PPP1R12B: variants seen among roughly 807,000 people sequenced by gnomAD.
PPP1R12B encodes the protein myosin phosphatase target subunit 2.
PPP1R12B carries 76 observed loss-of-function variants against 126.1 expected under a neutral mutation model. The ratio of observed to expected loss-of-function variants is 0.60; its 90% CI spans 0.50 to 0.73. The LOEUF (loss-of-function observed/expected upper bound fraction) is 0.73. Among genes scored for constraint, PPP1R12B ranks in the 30% least tolerant of loss-of-function variants. PPP1R12B has a pLI of 0.00. For missense variants in PPP1R12B, 1,052 were observed against 1,205.1 expected, an observed-to-expected ratio of 0.87 and a Z score of 1.88; for synonymous variants, 356 against 434.7, an observed-to-expected ratio of 0.82 and a Z score of 2.25.
rs966566938 is a variant in PPP1R12B, at chr1:202,582,469, A to T, written c.*1909A>T. On this transcript the variant is annotated 3_prime_UTR_variant, in exon 24 of 24. Transcript: ENST00000608999. ...GTTGCCAGTGATATTCAGTGTTTAG[A>T]GTGGTTCATTCCCTTAATATATACT... 6.6e-6 allele frequency: 1 copy of T among 152,634 alleles called. No individual in the cohort carries two copies. The highest frequency in any genetic ancestry group is 1.5e-5 in the Non-Finnish European group (1 of 68,060). The allele number at this position is 152,634 out of a possible 1,614,324, so 9.5% of individuals were successfully genotyped here. A position where few individuals can be genotyped will look rare whatever the true frequency, so the allele number is the denominator to read the frequency against.
At chr1:202,505,312 C>T (rs1365268192) in intron 18 of PPP1R12B, among the ~76,000 whole-genome samples, 1 of 152,222 alleles carries the variant, frequency 6.6e-6, no homozygotes, top group Non-Finnish European at 1.5e-5. Flanking sequence ...CCCATTTATG[C>T]TTCTTTGCCA....
intron 18 of PPP1R12B, among the ~76,000 whole-genome samples, chr1:202,545,073 A>G (rs1447643457): frequency 2.0e-5 from 3 of 152,234 alleles, no homozygotes; most frequent in Admixed American, 6.5e-5. Context: ...TGCACTACCA[A>G]TCTGGAATCC....
At chr1:202,488,347 G>A (rs1678422867) in intron 13 of PPP1R12B, among the ~76,000 whole-genome samples, 186 bp from the exon 14 acceptor site, 1 of 152,188 alleles carries the variant, frequency 6.6e-6, no homozygotes, top group Admixed American at 6.5e-5. Flanking sequence ...CAGATAAGGG[G>A]GAACTACTGT....
chr1:202,558,601 C>T (rs1415311408), intron 18 of PPP1R12B: 5 of 344,848 alleles, frequency 1.4e-5, no homozygotes, highest in Non-Finnish European at 2.6e-5. Context: ...GATCATTTTA[C>T]ATTTTGCTAA....
intron 20 of PPP1R12B, 48 bp downstream of exon 20, chr1:202,562,970 C>G (rs765584076): frequency 1.3e-6 from 2 of 1,493,760 alleles, no homozygotes; most frequent in African/African-American, 2.8e-5. Context: ...ATGTAAACCT[C>G]TCAGCCTTCC....
At chr1:202,427,971 ATT>A (rs34421611) in intron 5 of PPP1R12B, among the ~76,000 whole-genome samples, 139 of 144,214 alleles carry the variant, frequency 9.6e-4, no homozygotes, top group Middle Eastern at 3.5e-3. Context: ...AATTAAACTA[ATT>A]TTTTTTTTTT....
At chr1:202,499,920 A>C (rs1680012655) in intron 18 of PPP1R12B, among the ~76,000 whole-genome samples, 1 of 152,272 alleles carries the variant, frequency 6.6e-6, no homozygotes, top group Admixed American at 6.5e-5. Flanking sequence ...CCACAATGAA[A>C]TAGATCATCT....
chr1:202,362,584 G>A (rs1658403191), intron 1 of PPP1R12B, among the ~76,000 whole-genome samples: 1 of 151,396 alleles, frequency 6.6e-6, no homozygotes, highest in African/African-American at 2.4e-5. Context: ...TCAGTTGAGA[G>A]TGGAGACTGC....
At chr1:202,422,436 T>C (rs1393721260) in intron 2 of PPP1R12B, among the ~76,000 whole-genome samples, 184 bp from the exon 3 acceptor site, 1 of 152,178 alleles carries the variant, frequency 6.6e-6, no homozygotes, top group Non-Finnish European at 1.5e-5. Flanking sequence ...AGTCAGGAAA[T>C]GGGGAAGCCT....
In PPP1R12B at chr1:202,382,429, A is replaced by AAT. The variant is rs1553269045; in HGVS notation, c.291+33297_291+33298dup. Reference sequence around the variant, plus strand: ...CTAGAACTTAAAGTATAATAAAAAAAATATATATATAAAAGAAAAAGAAAA... The same window carrying AAT: ...CTAGAACTTAAAGTATAATAAAAAAAATATATATATATAAAAGAAAAAGAAAA... On this transcript the variant is annotated intron_variant, in intron 1 of 23. Transcript: ENST00000608999. Among the ~76,000 whole-genome samples, 705 of 150,818 alleles carry AAT rather than the reference A, an allele frequency of 4.7e-3. 2 individuals carry two copies. Among genetic ancestry groups the AAT allele is most frequent in the African/African-American group, 0.016 (674 of 41,276 alleles).
At chr1:202,427,871 C>T (rs1214937608) in intron 5 of PPP1R12B, among the ~76,000 whole-genome samples, 1 of 151,976 alleles carries the variant, frequency 6.6e-6, no homozygotes, top group Non-Finnish European at 1.5e-5. Context: ...AGGATTGTCT[C>T]GATCTCCTGA....
At chr1:202,358,430 C>T (rs760924109) in intron 1 of PPP1R12B, among the ~76,000 whole-genome samples, 5 of 152,166 alleles carry the variant, frequency 3.3e-5, no homozygotes, top group Non-Finnish European at 7.4e-5. Context: ...CGCCTGTAAT[C>T]CCAGCACTTT....
At chr1:202,522,142 G>A (rs956230895) in intron 18 of PPP1R12B, among the ~76,000 whole-genome samples, 6 of 152,052 alleles carry the variant, frequency 3.9e-5, no homozygotes, top group East Asian at 3.8e-4. Context: ...TCAGATACAC[G>A]AAGCTAAGTT....
chr1:202,362,261 A>G (rs548479281), intron 1 of PPP1R12B, among the ~76,000 whole-genome samples: 1 of 152,050 alleles, frequency 6.6e-6, no homozygotes, highest in Non-Finnish European at 1.5e-5. Flanking sequence ...TTTCCTCCCC[A>G]TGTTTAAATT....
chr1:202,448,979 T>C lies in PPP1R12B; in HGVS notation c.1668-10T>C, dbSNP rs1558241696. The C allele has an allele frequency of 1.2e-6, 2 of 1,613,460 alleles. No individual in the cohort carries two copies. Among genetic ancestry groups the C allele is most frequent in the South Asian group, 1.1e-5 (1 of 91,066 alleles). On this transcript the variant is annotated splice_polypyrimidine_tract_variant and intron_variant, in intron 12 of 23. Coordinates refer to ENST00000608999, the MANE Select transcript of PPP1R12B (RefSeq NM_002481.4). Reference sequence around the variant, plus strand: ...CATTTCCTTTCTGCTTGTATCTTTTTAAATTTCAGGACTCCTCACAAATCC... The same window carrying C: ...CATTTCCTTTCTGCTTGTATCTTTTCAAATTTCAGGACTCCTCACAAATCC...
intron 13 of PPP1R12B, among the ~76,000 whole-genome samples, chr1:202,479,140 A>C (rs1168891369): frequency 6.6e-6 from 1 of 152,194 alleles, no homozygotes; most frequent in African/African-American, 2.4e-5. Context: ...GGCGAGGAAT[A>C]TATTAAGGAA....
At chr1:202,566,008 T>C (rs1688012797) in intron 21 of PPP1R12B, among the ~76,000 whole-genome samples, 1 of 152,226 alleles carries the variant, frequency 6.6e-6, no homozygotes, top group South Asian at 2.1e-4. Flanking sequence ...ACAGATCTTA[T>C]GCTGGTTCTT....
chr1:202,569,217 C>T lies in PPP1R12B; in HGVS notation c.2862+20C>T, dbSNP rs758757339. ...ATGAAGGTATGAAGAGATTTTCTTT[C>T]TTTTTGTATGCCTGTTCTCTGAATG... On this transcript the variant is annotated intron_variant, in intron 23 of 23. Coordinates refer to ENST00000608999, the MANE Select transcript of PPP1R12B (RefSeq NM_002481.4). 3 of 1,608,100 alleles carry T rather than the reference C, an allele frequency of 1.9e-6. No homozygotes were observed. The South Asian group carries it at 3.3e-5, about 18-fold the overall frequency.
intron 18 of PPP1R12B, among the ~76,000 whole-genome samples, chr1:202,521,830 G>A (rs1286960454): frequency 1.3e-5 from 2 of 152,182 alleles, no homozygotes; most frequent in African/African-American, 4.8e-5. Flanking sequence ...TTTCAGAAAT[G>A]AAGCTGAGTC....
Sources: gnomAD v4.1 joint callset for allele counts (sites outside exome capture counted in the v4.1 genomes callset) on GRCh38, gnomAD v4.1.1 for gene constraint, MANE v1.5 for transcripts, NCBI Gene and HGNC (gene_info 2026-07-23, HGNC 2026-07-21) for gene names.